The following ASAP2 variants were observed in gnomAD, a reference collection of about 807,000 sequenced individuals.
ASAP2 encodes ArfGAP with SH3 domain, ankyrin repeat and PH domain 2.
A neutral mutation model predicts 131.4 loss-of-function variants in ASAP2; 45 were observed. The observed-to-expected ratio is 0.34, with a 90% CI of 0.27 to 0.44. ASAP2 has a LOEUF of 0.44. Among genes scored for constraint, ASAP2 ranks in the 20% least tolerant of loss-of-function variants. ASAP2 has a pLI of 1.00. For missense variants in ASAP2, 1,011 were observed against 1,297.0 expected, an observed-to-expected ratio of 0.78 and a Z score of 3.39; for synonymous variants, 510 against 503.0, an observed-to-expected ratio of 1.01 and a Z score of -0.19.
At chr2:9,215,665 G>GTTTTT (rs34518071) in intron 1 of ASAP2, among the ~76,000 whole-genome samples, 1 of 136,562 alleles carries the variant, frequency 7.3e-6, no homozygotes, top group Non-Finnish European at 1.6e-5. Context: ...TGTTTAGCTA[G>GTTTTT]TTTTTTTTTT....
In ASAP2 at chr2:9,229,324, C is replaced by T. The variant is rs192871752; in HGVS notation, c.126+22094C>T. Among the ~76,000 whole-genome samples the T allele has an allele frequency of 8.5e-5, 13 of 152,232 alleles. No homozygotes were observed. The East Asian group carries it at 2.1e-3, about 25-fold the overall frequency. ...CTGGACTGGACTTTGCTCAGTGGTG[C>T]CCGCCACAGTGAGCCTCAGCCCCAC... On this transcript the variant is annotated intron_variant, in intron 1 of 27. Transcript: ENST00000281419.
At chr2:9,304,752 G>A (rs1668731847) in intron 3 of ASAP2, among the ~76,000 whole-genome samples, 1 of 150,110 alleles carries the variant, frequency 6.7e-6, no homozygotes. Flanking sequence ...TGGTGGAGGG[G>A]GTTGTAATAG....
intron 24 of ASAP2, chr2:9,398,798 G>A (rs1280314103): frequency 7.0e-6 from 1 of 142,198 alleles, no homozygotes; most frequent in East Asian, 2.0e-4. Context: ...GACAGTGCAA[G>A]ACTCCATCTC....
chr2:9,397,034 C>T (rs570152715), intron 24 of ASAP2, among the ~76,000 whole-genome samples: 2 of 152,252 alleles, frequency 1.3e-5, no homozygotes, highest in Non-Finnish European at 2.9e-5. Flanking sequence ...CATATCTGTG[C>T]CCTCCTAGTC....
At chr2:9,234,219 G>T (rs933474386) in intron 1 of ASAP2, among the ~76,000 whole-genome samples, 1 of 151,972 alleles carries the variant, frequency 6.6e-6, no homozygotes, top group African/African-American at 2.4e-5. Flanking sequence ...TCTGGCTCGA[G>T]TTCATTTTTC....
At chr2:9,394,225 C>T (rs868654342) in intron 24 of ASAP2, among the ~76,000 whole-genome samples, 2 of 132,216 alleles carry the variant, frequency 1.5e-5, no homozygotes, top group South Asian at 5.0e-4. Flanking sequence ...AGTGCAGTGG[C>T]GTGATCTCGG....
chr2:9,297,961 G>A lies in ASAP2; in HGVS notation c.345+516G>A, dbSNP rs192603261. ...CCTCGGTTTTCAGCCGTGGGAATGC[G>A]GTGCTGGTGCCTGCTGCCTGTGGCT... On this transcript the variant is annotated intron_variant, in intron 3 of 27. Transcript: ENST00000281419. Among the ~76,000 whole-genome samples the A allele has an allele frequency of 2.5e-4, 37 of 150,882 alleles. No homozygotes were observed. In the South Asian group the frequency reaches 5.4e-3, roughly 22 times the overall value.
chr2:9,346,645 T>C (rs1295612402), intron 11 of ASAP2, among the ~76,000 whole-genome samples: 3 of 152,222 alleles, frequency 2.0e-5, no homozygotes, highest in African/African-American at 7.2e-5. Context: ...TCGCTGTTTG[T>C]TTGAACTCCG....
At position 9,351,037 on chromosome 2, in the gene ASAP2, G is replaced by A. The variant is rs1232181991; in HGVS notation, c.1111+142G>A. The A allele has an allele frequency of 6.6e-6, 4 of 606,124 alleles. No individual in the cohort carries two copies. The African/African-American group carries it at 7.3e-5, about 11-fold the overall frequency. 37.5% of individuals were successfully genotyped at this position (606,124 alleles called of 1,614,324 possible). ...CTTTTTCTAGTGATATGCGTGCTTT[G>A]TGTTCCATTAGTAACTGCTGGCTTG... On this transcript the variant is annotated intron_variant, in intron 12 of 27. Coordinates refer to ENST00000281419, the MANE Select transcript of ASAP2 (RefSeq NM_003887.3).
Position 9,268,479 on chromosome 2 carries a change from C to A in ASAP2, c.127-10838C>A, listed in dbSNP as rs2666216. 0.061 allele frequency among the ~76,000 whole-genome samples: 9,335 copies of A among 152,246 alleles called. 732 individuals carry two copies. Among genetic ancestry groups the A allele is most frequent in the African/African-American group, 0.18 (7,479 of 41,530 alleles). The stretch of plus-strand genomic sequence containing the variant: ...CTATTCTTCAGGCCTGGCTTTATTC[C>A]CACAAGGGGGGAGGTTCGTTATTGC... On this transcript the variant is annotated intron_variant, in intron 1 of 27. Transcript: ENST00000281419. The surrounding 1 kb of genome is among the most constrained non-coding windows in gnomAD (Gnocchi z 4.1).
In ASAP2 at chr2:9,404,683, G is replaced by A. The variant is rs975723238; in HGVS notation, c.*1356G>A. 9 of 152,096 alleles carry A rather than the reference G, an allele frequency of 5.9e-5. No individual in the cohort carries two copies. Among genetic ancestry groups the A allele is most frequent in the African/African-American group, 2.2e-4 (9 of 41,276 alleles). 9.4% of individuals were successfully genotyped at this position (152,096 alleles called of 1,614,324 possible). On this transcript the variant is annotated 3_prime_UTR_variant, in exon 28 of 28. Coordinates refer to ENST00000281419, the MANE Select transcript of ASAP2 (RefSeq NM_003887.3). ...AGCAATGCTGTTAACTGCATTTGTT[G>A]TGATGGTGCATTTGATTGAAGCAGC...
intron 21 of ASAP2, among the ~76,000 whole-genome samples, chr2:9,386,437 G>A (rs904010837): frequency 6.6e-5 from 10 of 152,034 alleles, no homozygotes; most frequent in Non-Finnish European, 1.0e-4. Flanking sequence ...TTCATCAAGC[G>A]GTCAGATGCC....
At chr2:9,344,415 C>G (rs1671810238) in intron 9 of ASAP2, 117 bp from the exon 10 acceptor site, 2 of 787,358 alleles carry the variant, frequency 2.5e-6, no homozygotes, top group Non-Finnish European at 3.9e-6. Context: ...GGAAATTTCT[C>G]CAATTTTTGT....
intron 22 of ASAP2, among the ~76,000 whole-genome samples, chr2:9,390,265 C>G (rs543528494): frequency 8.9e-4 from 136 of 152,328 alleles, no homozygotes; most frequent in Non-Finnish European, 1.8e-3. Flanking sequence ...AGATAAATAG[C>G]AAATGGAGTT....
chr2:9,363,652 C>T (rs993261215), intron 15 of ASAP2, among the ~76,000 whole-genome samples: 1 of 152,132 alleles, frequency 6.6e-6, no homozygotes, highest in Non-Finnish European at 1.5e-5. Context: ...GGTGCCATCT[C>T]GGTTCAGTGC....
At chr2:9,228,035 G>C (rs535797636) in intron 1 of ASAP2, among the ~76,000 whole-genome samples, 1 of 152,314 alleles carries the variant, frequency 6.6e-6, no homozygotes, top group Admixed American at 6.5e-5. Context: ...AGATCGGAGA[G>C]GATAGTCTAG....
At chr2:9,226,877 G>A (rs1406513385) in intron 1 of ASAP2, among the ~76,000 whole-genome samples, 1 of 152,166 alleles carries the variant, frequency 6.6e-6, no homozygotes, top group Non-Finnish European at 1.5e-5. Context: ...GAGATTGCAG[G>A]TGGCTTCCTT....
intron 1 of ASAP2, chr2:9,271,712 C>A: frequency 2.2e-6 from 1 of 464,930 alleles, no homozygotes; most frequent in Non-Finnish European, 3.7e-6. Context: ...GCGACGGGGC[C>A]CAAGGGGGAG....
intron 9 of ASAP2, among the ~76,000 whole-genome samples, chr2:9,340,667 C>A (rs953776731): frequency 1.3e-5 from 2 of 152,232 alleles, no homozygotes; most frequent in African/African-American, 4.8e-5. Flanking sequence ...GACTCCTCGA[C>A]AAGCTTGTCA....
Sources: gnomAD v4.1 joint callset for allele counts (sites outside exome capture counted in the v4.1 genomes callset) on GRCh38, gnomAD v4.1.1 for gene constraint, Gnocchi (gnomAD v3.1) non-coding constraint, MANE v1.5 for transcripts, NCBI Gene and HGNC (gene_info 2026-07-23, HGNC 2026-07-21) for gene names.